Variants in NELFB observed in about 807,000 individuals in gnomAD.
The protein encoded by NELFB is negative elongation factor B.
In NELFB, 34 loss-of-function variants were observed where a neutral mutation model predicts 60.2. The observed-to-expected ratio is 0.56, with a 90% confidence interval of 0.43 to 0.75. The LOEUF is 0.75. Ranked by LOEUF, NELFB falls within the 30% of genes least tolerant of loss-of-function variation. NELFB has a pLI of 0.00. For missense variants in NELFB, 770 were observed against 831.6 expected (o/e 0.93, Z 0.91); for synonymous variants, 459 against 382.1 (o/e 1.20, Z -2.35).
chr9:137,265,634 C>T (rs11516119), intron 6 of NELFB, among the ~76,000 whole-genome samples: 103,174 of 151,434 alleles, frequency 0.68, 35,869 homozygotes, highest in Admixed American at 0.77. Flanking sequence ...GTGATCCATC[C>T]GCCTCGGCCT....
Position 137,255,987 on chromosome 9 carries a change from C to G in NELFB, c.327C>G (p.Phe109Leu). 6.2e-7 allele frequency: 1 copy of G among 1,613,950 alleles called. No individual in the cohort carries two copies. The highest frequency in any genetic ancestry group is 8.5e-7 in the Non-Finnish European group (1 of 1,180,030). Residue 109 changes from phenylalanine to leucine, a missense_variant, in exon 2 of 13, where the codon TTC becomes TTG. Phe to Leu is a conservative substitution (Grantham distance 22). Transcript: ENST00000343053. ...TGCACGGGACGCCGCGGCTGGAGTT[C>G]CACCAGTCGGTATTCGATGAGCTGC... is the stretch of plus-strand genomic sequence containing the variant.
In NELFB at chr9:137,265,673, C is replaced by T. The variant is rs1045911613; in HGVS notation, c.1041-204C>T. On this transcript the variant is annotated intron_variant, in intron 6 of 12. Transcript: ENST00000343053. ...AAAGTGCTGGGATGACAGGCTGAGC[C>T]GCCGCGCCCGGCCTGCCAAAGTGCT... Among the ~76,000 whole-genome samples the T allele has an allele frequency of 1.0e-4, 13 of 124,378 alleles. No homozygotes were observed. The East Asian group carries it at 1.2e-3, about 12-fold the overall frequency. The allele number at this position is 124,378 out of a possible 152,430, so 81.6% of individuals were successfully genotyped here.
intron 6 of NELFB, 23 bp downstream of exon 6, chr9:137,264,380 C>A: frequency 6.5e-7 from 1 of 1,537,514 alleles, no homozygotes; most frequent in East Asian, 2.4e-5. Flanking sequence ...TCCACGAGGC[C>A]TCTGCCCCTC....
chr9:137,272,182 A>G lies in NELFB; in HGVS notation c.1591A>G (p.Ser531Gly), dbSNP rs1193463366. 6.2e-7 allele frequency: 1 copy of G among 1,614,168 alleles called. No individual in the cohort carries two copies. The highest frequency in any genetic ancestry group is 1.1e-5 in the South Asian group (1 of 91,088). ...CGAATTTGCCCTTGAGGACTTCTGC[A>G]GCAGCCTCTTCGATGGCTTCTTCCT... The change falls in exon 11 of 13, where the codon AGC becomes GGC. Residue 531 changes from serine to glycine, a missense_variant. Coordinates refer to ENST00000343053, the MANE Select transcript of NELFB (RefSeq NM_015456.5).
intron 5 of NELFB, among the ~76,000 whole-genome samples, chr9:137,263,739 T>A (rs1830485559): frequency 6.6e-6 from 1 of 151,958 alleles, no homozygotes; most frequent in African/African-American, 2.4e-5. Flanking sequence ...TCCAGCCCTT[T>A]CTGTGTTCCC....
rs376711918 is a variant in NELFB, at chr9:137,267,090, C to T, written c.1382+4C>T. 13 of 1,613,814 alleles carry T rather than the reference C, an allele frequency of 8.1e-6. 1 individual carries two copies. Among genetic ancestry groups the T allele is most frequent in the African/African-American group, 2.7e-5 (2 of 74,922 alleles). The stretch of plus-strand genomic sequence containing the variant: ...CACTTCCCGAAAGCTTCACTAAGTA[C>T]GGGCTGTAGGGCCATGGTGCAGGGG... On this transcript the variant is annotated splice_donor_region_variant and intron_variant, in intron 9 of 12. Coordinates refer to ENST00000343053, the MANE Select transcript of NELFB (RefSeq NM_015456.5).
In NELFB at chr9:137,266,967, C is replaced by T. The variant is rs566533943; in HGVS notation, c.1263C>T (p.Phe421=). 87 of 1,613,788 alleles carry T rather than the reference C, an allele frequency of 5.4e-5. 1 individual carries two copies. In the South Asian group the frequency reaches 8.6e-4, roughly 16 times the overall value. ...AGGAGGTAGAGCTCATCACCAGGTT[C>T]CTCCCGATGCTCATGTCCTTCCTGG... The change falls in exon 9 of 13, where the codon TTC becomes TTT. Residue 421 remains phenylalanine, a synonymous_variant. Coordinates refer to ENST00000343053, the MANE Select transcript of NELFB (RefSeq NM_015456.5).
chr9:137,265,866 C>G lies in NELFB; in HGVS notation c.1041-11C>G. The G allele has an allele frequency of 6.3e-7, 1 of 1,599,676 alleles. No homozygotes were observed. The highest frequency in any genetic ancestry group is 8.6e-7 in the Non-Finnish European group (1 of 1,167,766). ...AGGCGTCGCATTAATGCCAGGGCGG[C>G]CTCCTTCCAGGGACCTGTCCATGAT... On this transcript the variant is annotated splice_polypyrimidine_tract_variant and intron_variant, in intron 6 of 12. Transcript: ENST00000343053.
intron 4 of NELFB, among the ~76,000 whole-genome samples, chr9:137,259,539 A>G (rs1193724606): frequency 6.6e-6 from 1 of 151,974 alleles, no homozygotes; most frequent in Non-Finnish European, 1.5e-5. Context: ...CCTTTCTCCT[A>G]TCGCCTGTCT....
chr9:137,270,329 G>A (rs1830569098), intron 10 of NELFB, among the ~76,000 whole-genome samples: 2 of 147,786 alleles, frequency 1.4e-5, no homozygotes, highest in South Asian at 4.2e-4. Context: ...GGTGGCTCAT[G>A]CCTGTAATCC....
At chr9:137,268,076 T>G (rs1286282575) in intron 10 of NELFB, among the ~76,000 whole-genome samples, 2 of 151,732 alleles carry the variant, frequency 1.3e-5, no homozygotes, top group Admixed American at 6.6e-5. Flanking sequence ...AGGGTCCAAA[T>G]GGGCACCTTC....
intron 4 of NELFB, among the ~76,000 whole-genome samples, chr9:137,261,657 CAA>C (rs56873736): frequency 2.1e-5 from 3 of 140,284 alleles, no homozygotes; most frequent in African/African-American, 8.4e-5. Flanking sequence ...GACTCCGTCT[CAA>C]AAAAAAAAAA....
chr9:137,263,313 C>G, intron 5 of NELFB, 91 bp downstream of exon 5: 1 of 1,227,604 alleles, frequency 8.1e-7, no homozygotes, highest in Non-Finnish European at 1.1e-6. Flanking sequence ...GCCCTCCCTC[C>G]TTCCCCCACT....
intron 4 of NELFB, among the ~76,000 whole-genome samples, chr9:137,257,652 A>G (rs1837577110): frequency 2.6e-5 from 4 of 151,738 alleles, no homozygotes; most frequent in Admixed American, 1.3e-4. Context: ...ACAGGCATGC[A>G]TCACCACGCC....
In NELFB at chr9:137,255,379, A is replaced by AG. The variant is rs1837532706; in HGVS notation, c.17dup (p.Ala7ArgfsTer34). The AG allele has an allele frequency of 1.6e-6, 1 of 616,466 alleles. No homozygotes were observed. The highest frequency in any genetic ancestry group is 2.3e-6 in the Non-Finnish European group (1 of 427,442). 38.2% of individuals were successfully genotyped at this position (616,466 alleles called of 1,614,324 possible). A position where few individuals can be genotyped will look rare whatever the true frequency, so the allele number is the denominator to read the frequency against. ...GGCGGGCGGGACCTGGCCGAGCTGG[A>AG]GGGCGCCGGGGAGCGGGGCTCGGGC... On this transcript the variant is annotated frameshift_variant, in exon 1 of 13. Coordinates refer to ENST00000343053, the MANE Select transcript of NELFB (RefSeq NM_015456.5). LOFTEE classifies it high-confidence loss of function.
In NELFB at chr9:137,272,882, C is replaced by G. The variant is rs1415842669; in HGVS notation, c.1841C>G (p.Ala614Gly). 1 of 1,547,132 alleles carries G rather than the reference C, an allele frequency of 6.5e-7. No homozygotes were observed. The highest frequency in any genetic ancestry group is 1.4e-5 in the African/African-American group (1 of 72,992). The stretch of plus-strand genomic sequence containing the variant: ...CCGGCACAGGCTGCGGAGACGCCGG[C>G]CCTGGAGCTGCCCCTCCCCAGCGTG... Residue 614 changes from alanine to glycine, a missense_variant, in exon 13 of 13, where the codon GCC (alanine) becomes GGC (glycine). Ala to Gly is a moderately conservative substitution (Grantham distance 60). Coordinates refer to ENST00000343053, the MANE Select transcript of NELFB (RefSeq NM_015456.5).
At chr9:137,262,183 A>G (rs996631395) in intron 4 of NELFB, among the ~76,000 whole-genome samples, 2 of 152,200 alleles carry the variant, frequency 1.3e-5, no homozygotes, top group Non-Finnish European at 2.9e-5. Flanking sequence ...AACTGCGGGC[A>G]GGTCTGACTG....
intron 4 of NELFB, among the ~76,000 whole-genome samples, chr9:137,260,392 T>A (rs1031778369): frequency 3.7e-4 from 48 of 130,816 alleles, no homozygotes; most frequent in African/African-American, 4.8e-4. Flanking sequence ...ATTTATTTTT[T>A]AAAATTTTTT....
Position 137,265,721 on chromosome 9 carries a change from C to T in NELFB, c.1041-156C>T, listed in dbSNP as rs374974469. Reference sequence around the variant, plus strand: ...GCTGGGATGACAGGCTGAGCCGCCGCGCTCGGCCATCCTTAAGCTTTTTGT... The same window carrying T: ...GCTGGGATGACAGGCTGAGCCGCCGTGCTCGGCCATCCTTAAGCTTTTTGT... On this transcript the variant is annotated intron_variant, in intron 6 of 12. Coordinates refer to ENST00000343053, the MANE Select transcript of NELFB (RefSeq NM_015456.5). 6.7e-5 allele frequency among the ~76,000 whole-genome samples: 10 copies of T among 149,518 alleles called. No individual in the cohort carries two copies. In the South Asian group the frequency reaches 1.7e-3, roughly 26 times the overall value.
Sources: gnomAD v4.1 joint callset for allele counts (sites outside exome capture counted in the v4.1 genomes callset) on GRCh38, gnomAD v4.1.1 for gene constraint, MANE v1.5 for transcripts, NCBI Gene and HGNC (gene_info 2026-07-23, HGNC 2026-07-21) for gene names.